SRPK2: variants seen among roughly 807,000 people sequenced by gnomAD.
SRPK2 encodes SFRS protein kinase 2.
Under a neutral mutation model 90.8 loss-of-function variants are expected in SRPK2, and 21 were observed. The ratio of observed to expected loss-of-function variants is 0.23; its 90% CI spans 0.16 to 0.33. SRPK2 has a LOEUF of 0.33. Ranked by LOEUF, SRPK2 falls within the 10% of genes least tolerant of loss-of-function variation. SRPK2 has a pLI of 1.00. For synonymous variants in SRPK2, 288 were observed against 311.1 expected (o/e 0.93, Z 0.78); for missense variants, 620 against 869.0 (o/e 0.71, Z 3.60).
intron 2 of SRPK2, among the ~76,000 whole-genome samples, chr7:105,237,137 C>T (rs191344503): frequency 7.2e-5 from 11 of 152,346 alleles, no homozygotes; most frequent in Admixed American, 3.9e-4. Flanking sequence ...AATGCAACAC[C>T]TCTCAAAAGC....
chr7:105,389,202 C>T, upstream of SRPK2: 11 of 1,150,276 alleles, frequency 9.6e-6, no homozygotes, highest in Non-Finnish European at 1.2e-5. Flanking sequence ...GCACCGGACC[C>T]GCGGGACCCT....
At chr7:105,348,903 T>C (rs1257614751) in intron 2 of SRPK2, among the ~76,000 whole-genome samples, 1 of 151,512 alleles carries the variant, frequency 6.6e-6, no homozygotes, top group African/African-American at 2.4e-5. Context: ...CCCAGCACTT[T>C]GGGAGGCCAA....
At chr7:105,190,259 A>G (rs1794114369) in intron 3 of SRPK2, among the ~76,000 whole-genome samples, 1 of 152,216 alleles carries the variant, frequency 6.6e-6, no homozygotes, top group Non-Finnish European at 1.5e-5. Flanking sequence ...GCCCATCTAT[A>G]TTCAAACAAT....
intron 7 of SRPK2, among the ~76,000 whole-genome samples, chr7:105,159,356 A>G (rs1446928222): frequency 6.7e-6 from 1 of 149,160 alleles, no homozygotes; most frequent in African/African-American, 2.5e-5. Context: ...TGTGGTACCA[A>G]GCACCTATAG....
chr7:105,387,250 T>C (rs1339366988), intron 2 of SRPK2, among the ~76,000 whole-genome samples: 2 of 152,234 alleles, frequency 1.3e-5, no homozygotes, highest in African/African-American at 4.8e-5. Context: ...AGAGCTGTGA[T>C]TAAAACACAG....
chr7:105,240,640 T>C (rs1397111881), intron 2 of SRPK2, among the ~76,000 whole-genome samples: 1 of 152,158 alleles, frequency 6.6e-6, no homozygotes, highest in Non-Finnish European at 1.5e-5. Flanking sequence ...CCATAGATTG[T>C]AGTTTCAGAA....
At chr7:105,397,252 G>A (rs372383966) in intron 1 of SRPK2, among the ~76,000 whole-genome samples, 3 of 151,728 alleles carry the variant, frequency 2.0e-5, no homozygotes, top group South Asian at 2.1e-4. Flanking sequence ...TTTTGACGTC[G>A]TGATCCACCC....
At chr7:105,269,720 G>C (rs1309844754) in intron 2 of SRPK2, among the ~76,000 whole-genome samples, 1 of 152,172 alleles carries the variant, frequency 6.6e-6, no homozygotes, top group Admixed American at 6.5e-5. Flanking sequence ...AAGATAAGGA[G>C]ACAATCTAAC....
intron 11 of SRPK2, among the ~76,000 whole-genome samples, chr7:105,137,330 A>G (rs1015212195): frequency 1.3e-5 from 2 of 152,216 alleles, no homozygotes; most frequent in Non-Finnish European, 2.9e-5. Flanking sequence ...AACTCAGGGC[A>G]TCACTACTCT....
chr7:105,125,512 A>C (rs982881710), intron 15 of SRPK2, among the ~76,000 whole-genome samples: 3 of 152,210 alleles, frequency 2.0e-5, no homozygotes, highest in African/African-American at 7.2e-5. Flanking sequence ...ACAATCACCT[A>C]AACTCCTTTT....
intron 2 of SRPK2, among the ~76,000 whole-genome samples, chr7:105,282,208 C>G (rs1807437082): frequency 6.6e-6 from 1 of 152,078 alleles, no homozygotes; most frequent in Non-Finnish European, 1.5e-5. Flanking sequence ...GTGCCAAGAC[C>G]ATCTAATGGG....
At chr7:105,209,259 A>G (rs568905947) in intron 2 of SRPK2, among the ~76,000 whole-genome samples, 1 of 152,290 alleles carries the variant, frequency 6.6e-6, no homozygotes, top group East Asian at 1.9e-4. Flanking sequence ...AAAGAAATAT[A>G]CCACTTCAGG....
At chr7:105,146,116 A>C (rs1804591279) in intron 8 of SRPK2, among the ~76,000 whole-genome samples, 1 of 152,238 alleles carries the variant, frequency 6.6e-6, no homozygotes, top group Non-Finnish European at 1.5e-5. Flanking sequence ...AGCTATGCTA[A>C]ATGGACAACA....
intron 2 of SRPK2, among the ~76,000 whole-genome samples, chr7:105,317,673 G>C (rs1473584198): frequency 6.6e-6 from 1 of 152,178 alleles, no homozygotes; most frequent in African/African-American, 2.4e-5. Flanking sequence ...ACACATATAT[G>C]ATAATCTGTC....
intron 2 of SRPK2, among the ~76,000 whole-genome samples, chr7:105,290,956 T>C (rs933509411): frequency 9.8e-5 from 14 of 142,900 alleles, no homozygotes; most frequent in African/African-American, 3.4e-4. Flanking sequence ...GAGAATGGCG[T>C]GAACCCGGGA....
chr7:105,258,412 G>A (rs1248181048), intron 2 of SRPK2, among the ~76,000 whole-genome samples: 1 of 81,328 alleles, frequency 1.2e-5, no homozygotes, highest in African/African-American at 5.9e-5. Context: ...AGCGAAACTC[G>A]GTCTCAAAAA....
intron 2 of SRPK2, among the ~76,000 whole-genome samples, chr7:105,324,319 C>T (rs1022549050): frequency 3.3e-5 from 5 of 150,182 alleles, no homozygotes; most frequent in Non-Finnish European, 5.9e-5. Context: ...CTATTCCCTC[C>T]CTCCCTTCTT....
intron 2 of SRPK2, among the ~76,000 whole-genome samples, chr7:105,294,686 TG>T (rs1210055084): frequency 1.3e-5 from 2 of 152,076 alleles, no homozygotes; most frequent in Non-Finnish European, 2.9e-5. Context: ...CCACCATGCC[TG>T]GCTAATTTTT....
At chr7:105,140,249 G>T (rs1803509966) in intron 11 of SRPK2, among the ~76,000 whole-genome samples, 1 of 152,138 alleles carries the variant, frequency 6.6e-6, no homozygotes, top group East Asian at 1.9e-4. Context: ...ATGGAGGGCT[G>T]ACTGTACTTG....
Sources: gnomAD v4.1 joint callset for allele counts (sites outside exome capture counted in the v4.1 genomes callset) on GRCh38, gnomAD v4.1.1 for gene constraint, MANE v1.5 for transcripts, NCBI Gene and HGNC (gene_info 2026-07-23, HGNC 2026-07-21) for gene names.